BLTP3A: variants seen among roughly 807,000 people sequenced by gnomAD.
BLTP3A encodes bridge-like lipid transfer protein family member 3A.
At chr6:34,866,307 G>C in the BLTP3A span, among the ~76,000 whole-genome samples, 1 of 152,048 alleles carries the variant, frequency 6.6e-6, no homozygotes, top group Non-Finnish European at 1.5e-5. Flanking sequence ...AGAAGGCTGA[G>C]GTGGGAGATT....
the BLTP3A span, among the ~76,000 whole-genome samples, chr6:34,851,185 G>A: frequency 6.6e-6 from 1 of 152,138 alleles, no homozygotes; most frequent in African/African-American, 2.4e-5. Flanking sequence ...TTTCCTGGAT[G>A]GTCTTGGTGC....
the BLTP3A span, among the ~76,000 whole-genome samples, chr6:34,853,461 A>C: frequency 6.6e-6 from 1 of 152,054 alleles, no homozygotes; most frequent in Non-Finnish European, 1.5e-5. Context: ...CACCATGCCC[A>C]GCCTGGATAG....
At chr6:34,832,429 TTTC>T in the BLTP3A span, among the ~76,000 whole-genome samples, 6 of 151,856 alleles carry the variant, frequency 4.0e-5, no homozygotes, top group African/African-American at 1.5e-4. Context: ...CGTTTTTTCT[TTTC>T]TTCTTTTTCT....
the BLTP3A span, chr6:34,867,740 C>T: frequency 7.8e-7 from 1 of 1,282,488 alleles, no homozygotes; most frequent in Non-Finnish European, 1.0e-6. Flanking sequence ...TCTCCAGCAG[C>T]CATTAGGGGG....
At chr6:34,825,649 G>A in the BLTP3A span, among the ~76,000 whole-genome samples, 3 of 152,184 alleles carry the variant, frequency 2.0e-5, no homozygotes, top group Admixed American at 6.5e-5. Context: ...TAATGAGGAC[G>A]TTTCCTTCAT....
chr6:34,863,051 G>A, the BLTP3A span, among the ~76,000 whole-genome samples: 11 of 151,780 alleles, frequency 7.2e-5, no homozygotes, highest in Admixed American at 2.0e-4. Flanking sequence ...GACTACAGGC[G>A]CGCACCATCA....
the BLTP3A span, among the ~76,000 whole-genome samples, chr6:34,853,726 A>G: frequency 5.3e-5 from 8 of 151,708 alleles, no homozygotes; most frequent in African/African-American, 1.9e-4. Context: ...ACATCCAGCT[A>G]ATTTTTGTAT....
At chr6:34,835,843 G>A in the BLTP3A span, among the ~76,000 whole-genome samples, 1 of 152,220 alleles carries the variant, frequency 6.6e-6, no homozygotes. Context: ...CTGAAAGAGA[G>A]CATTTAGGGA....
chr6:34,877,007 A>C, the BLTP3A span: 5 of 152,654 alleles, frequency 3.3e-5, no homozygotes, highest in South Asian at 8.3e-4. Flanking sequence ...GTTAATGCTG[A>C]GACAGTATCT....
chr6:34,821,501 C>G, the BLTP3A span: 4 of 721,596 alleles, frequency 5.5e-6, no homozygotes, highest in Non-Finnish European at 8.9e-6. Context: ...TTACAGTTTT[C>G]TGTGTTCCTT....
chr6:34,841,650 C>CT, the BLTP3A span, among the ~76,000 whole-genome samples: 1 of 152,310 alleles, frequency 6.6e-6, no homozygotes, highest in Admixed American at 6.5e-5. Flanking sequence ...GAACTGCTGA[C>CT]TAACATGCTC....
the BLTP3A span, among the ~76,000 whole-genome samples, chr6:34,853,043 G>C: frequency 6.6e-6 from 1 of 152,206 alleles, no homozygotes; most frequent in Non-Finnish European, 1.5e-5. Flanking sequence ...GAGGCTGGGG[G>C]TGGGGTGGTG....
the BLTP3A span, among the ~76,000 whole-genome samples, chr6:34,805,280 CA>C: frequency 8.8e-5 from 13 of 147,324 alleles, no homozygotes; most frequent in Admixed American, 2.0e-4. Flanking sequence ...GATCATGACT[CA>C]AAAAAAAAAT....
chr6:34,832,102 T>G, the BLTP3A span, among the ~76,000 whole-genome samples: 1 of 150,708 alleles, frequency 6.6e-6, no homozygotes, highest in Non-Finnish European at 1.5e-5. Context: ...CATGAGCCAC[T>G]GCACCCGGCC....
At chr6:34,861,544 C>G in the BLTP3A span, among the ~76,000 whole-genome samples, 4 of 152,172 alleles carry the variant, frequency 2.6e-5, no homozygotes, top group Non-Finnish European at 4.4e-5. Flanking sequence ...CAGATAACCA[C>G]TGTTTACATT....
At chr6:34,846,277 C>T in the BLTP3A span, among the ~76,000 whole-genome samples, 1 of 150,430 alleles carries the variant, frequency 6.6e-6, no homozygotes, top group African/African-American at 2.4e-5. Flanking sequence ...CTGGAGTAGC[C>T]GAGAATACAG....
the BLTP3A span, among the ~76,000 whole-genome samples, chr6:34,829,938 G>C: frequency 6.6e-6 from 1 of 152,100 alleles, no homozygotes; most frequent in Admixed American, 6.6e-5. Context: ...CCAAGTAGCT[G>C]GAACTATAGG....
the BLTP3A span, among the ~76,000 whole-genome samples, chr6:34,805,368 A>T: frequency 6.6e-6 from 1 of 151,898 alleles, no homozygotes; most frequent in East Asian, 1.9e-4. Flanking sequence ...TGAGGCAAGC[A>T]GATCACTTGA....
chr6:34,815,899 C>T, the BLTP3A span, among the ~76,000 whole-genome samples: 2 of 152,274 alleles, frequency 1.3e-5, no homozygotes, highest in South Asian at 2.1e-4. Flanking sequence ...CTGTCCGCCT[C>T]GGCCTCCCAG....
Sources: gnomAD v4.1 joint callset for allele counts (sites outside exome capture counted in the v4.1 genomes callset) on GRCh38, gnomAD v4.1.1 for gene constraint, MANE v1.5 for transcripts, NCBI Gene and HGNC (gene_info 2026-07-23, HGNC 2026-07-21) for gene names.